The following ARFIP1 variants were observed in gnomAD, a reference collection of about 807,000 sequenced individuals.
The protein encoded by ARFIP1 is arfaptin-1.
In ARFIP1, 24 loss-of-function variants were observed where a neutral mutation model predicts 42.5. The ratio of observed to expected loss-of-function variants is 0.57; its 90% CI spans 0.41 to 0.80. ARFIP1 has a LOEUF of 0.80. Among genes scored for constraint, ARFIP1 ranks in the 30% least tolerant of loss-of-function variants. ARFIP1 has a pLI of 0.00. For missense variants in ARFIP1, 354 were observed against 434.0 expected (o/e 0.82, Z 1.64); for synonymous variants, 141 against 153.7 (o/e 0.92, Z 0.61).
rs755307863 is a variant in ARFIP1, at chr4:152,910,144, A to G, written c.1047A>G (p.Glu349=). The change falls in exon 9 of 9, where the codon GAA becomes GAG. Residue 349 remains glutamate (E), a synonymous_variant. Transcript: ENST00000353617. ...AYFAGNQKQL[E]QTLKQFHIKL... ...TTGCTGGGAATCAGAAGCAGCTTGA[A>G]CAGACACTTAAACAGTTCCATATCA... is the stretch of plus-strand genomic sequence containing the variant. 6.2e-7 allele frequency: 1 copy of G among 1,614,194 alleles called. No individual in the cohort carries two copies. Among genetic ancestry groups the G allele is most frequent in the Non-Finnish European group, 8.5e-7 (1 of 1,180,024 alleles).
At chr4:152,846,845 TAA>T (rs1732573861) in intron 2 of ARFIP1, among the ~76,000 whole-genome samples, 1 of 152,208 alleles carries the variant, frequency 6.6e-6, no homozygotes, top group African/African-American at 2.4e-5. Context: ...TTACATAAAA[TAA>T]AAGTGGTAGG....
intron 8 of ARFIP1, 73 bp from the exon 9 acceptor site, chr4:152,909,991 A>G (rs1320149557): frequency 6.6e-7 from 1 of 1,512,758 alleles, no homozygotes; most frequent in Non-Finnish European, 9.0e-7. Flanking sequence ...TAATTAAGGA[A>G]TGTAATAAAT....
chr4:152,810,236 T>C (rs962252008), intron 1 of ARFIP1: 3 of 152,178 alleles, frequency 2.0e-5, no homozygotes, highest in African/African-American at 7.2e-5. Context: ...AATAATTCAG[T>C]GGTGGCTAAA....
chr4:152,894,639 G>C (rs796665956), intron 8 of ARFIP1, among the ~76,000 whole-genome samples: 2 of 152,280 alleles, frequency 1.3e-5, no homozygotes, highest in African/African-American at 2.4e-5. Context: ...AAGCATTTAT[G>C]GATTGATGTC....
At chr4:152,804,473 T>TGC (rs1379856274) in intron 1 of ARFIP1, among the ~76,000 whole-genome samples, 6 of 109,160 alleles carry the variant, frequency 5.5e-5, no homozygotes, top group African/African-American at 1.7e-4. Flanking sequence ...ATATAATATA[T>TGC]ATAATATATA....
intron 2 of ARFIP1, 43 bp downstream of exon 2, chr4:152,829,769 A>C (rs1731127178): frequency 2.1e-6 from 3 of 1,423,498 alleles, no homozygotes; most frequent in Non-Finnish European, 2.9e-6. Context: ...AATCATGGTA[A>C]GTCTTTAAAT....
intron 1 of ARFIP1, among the ~76,000 whole-genome samples, chr4:152,800,360 C>T (rs1728303740): frequency 6.6e-6 from 1 of 152,008 alleles, no homozygotes; most frequent in Admixed American, 6.6e-5. Context: ...GCTACAATAA[C>T]CCTGTTGATG....
At chr4:152,864,419 C>G (rs74540728) in intron 3 of ARFIP1, among the ~76,000 whole-genome samples, 1 of 152,272 alleles carries the variant, frequency 6.6e-6, no homozygotes, top group African/African-American at 2.4e-5. Flanking sequence ...GTAGCAAGCA[C>G]GATCAGTAAA....
intron 3 of ARFIP1, among the ~76,000 whole-genome samples, chr4:152,865,914 C>G (rs1215392376): frequency 1.3e-5 from 2 of 151,906 alleles, no homozygotes; most frequent in Non-Finnish European, 2.9e-5. Flanking sequence ...GTGTTTCTCG[C>G]AGAGGGGGAT....
intron 2 of ARFIP1, among the ~76,000 whole-genome samples, chr4:152,862,522 G>A (rs1046930451): frequency 7.9e-5 from 12 of 151,186 alleles, no homozygotes; most frequent in African/African-American, 2.9e-4. Context: ...ACTTGTACCA[G>A]TACATCAAGA....
intron 8 of ARFIP1, among the ~76,000 whole-genome samples, chr4:152,890,519 A>G (rs1314037765): frequency 6.6e-6 from 1 of 152,206 alleles, no homozygotes; most frequent in South Asian, 2.1e-4. Flanking sequence ...GGGATCTTTT[A>G]TAGCCAAATG....
intron 2 of ARFIP1, among the ~76,000 whole-genome samples, chr4:152,859,733 T>C (rs1029279145): frequency 6.6e-6 from 1 of 151,902 alleles, no homozygotes; most frequent in African/African-American, 2.4e-5. Context: ...AAAGCATGTC[T>C]TTTTTCCCAC....
At chr4:152,833,592 G>C (rs1447921957) in intron 2 of ARFIP1, among the ~76,000 whole-genome samples, 1 of 152,122 alleles carries the variant, frequency 6.6e-6, no homozygotes, top group Admixed American at 6.6e-5. Flanking sequence ...ATAAACAATA[G>C]CCAAAATATG....
intron 8 of ARFIP1, among the ~76,000 whole-genome samples, chr4:152,905,279 G>A (rs1336250571): frequency 6.6e-6 from 1 of 152,148 alleles, no homozygotes; most frequent in Non-Finnish European, 1.5e-5. Context: ...TTTCTAAGAT[G>A]CTTATACCAT....
intron 2 of ARFIP1, among the ~76,000 whole-genome samples, chr4:152,843,830 C>T (rs1409779158): frequency 2.6e-5 from 4 of 152,156 alleles, no homozygotes; most frequent in Non-Finnish European, 5.9e-5. Context: ...AAAACCTGAC[C>T]CAGGCTACCC....
Position 152,881,134 on chromosome 4 carries a change from C to A in ARFIP1, c.583C>A (p.Gln195Lys). The A allele has an allele frequency of 6.2e-7, 1 of 1,613,734 alleles. No individual in the cohort carries two copies. Among genetic ancestry groups the A allele is most frequent in the African/African-American group, 1.3e-5 (1 of 75,006 alleles). Residue 195 changes from glutamine (Q) to lysine (K), a missense_variant, in exon 6 of 9, where the codon CAA (glutamine) becomes AAA (lysine). Physicochemically the swap from Gln to Lys is moderately conservative, Grantham distance 53. Transcript: ENST00000353617. Reference protein sequence around the residue: ...QLFQMVHTQRQLGDAFADLSL... With the variant: ...QLFQMVHTQRKLGDAFADLSL... ...TTTCCAGATGGTACATACCCAAAGG[C>A]AACTTGGAGATGCATTTGCTGACCT...
At chr4:152,829,338 A>G (rs185777091) in intron 1 of ARFIP1, among the ~76,000 whole-genome samples, 10 of 152,110 alleles carry the variant, frequency 6.6e-5, no homozygotes, top group Non-Finnish European at 1.2e-4. Flanking sequence ...TTTTTTTCCA[A>G]TTGTAAGTGG....
At chr4:152,824,677 A>C (rs1323662623) in intron 1 of ARFIP1, among the ~76,000 whole-genome samples, 4 of 152,212 alleles carry the variant, frequency 2.6e-5, no homozygotes, top group Non-Finnish European at 4.4e-5. Context: ...ATATTATAGT[A>C]CTAGAAGTCC....
chr4:152,812,483 C>T (rs538286019), intron 1 of ARFIP1, among the ~76,000 whole-genome samples: 115 of 152,308 alleles, frequency 7.6e-4, no homozygotes, highest in African/African-American at 2.5e-3. Context: ...TGAGCCGCCC[C>T]GTCTGGCCTT....
Sources: gnomAD v4.1 joint callset for allele counts (sites outside exome capture counted in the v4.1 genomes callset) on GRCh38, gnomAD v4.1.1 for gene constraint, MANE v1.5 for transcripts, NCBI Gene and HGNC (gene_info 2026-07-23, HGNC 2026-07-21) for gene names.